Variants in B4GALT5 observed in about 807,000 individuals in gnomAD.
B4GALT5 encodes the protein beta-1,4-galactosyltransferase 5.
In B4GALT5, 11 loss-of-function variants were observed where a neutral mutation model predicts 45.0. The observed-to-expected ratio is 0.24, with a 90% CI of 0.15 to 0.40. The LOEUF (loss-of-function observed/expected upper bound fraction) is 0.40, where lower values mean the gene tolerates loss of function less well. Ranked by LOEUF, B4GALT5 falls within the 10% of genes least tolerant of loss-of-function variation. The probability of loss-of-function intolerance (pLI) is 1.00; values close to 1 mark genes in which losing one functional copy is unlikely to be tolerated. For synonymous variants in B4GALT5, 185 were observed against 182.9 expected (o/e 1.01, Z -0.09); for missense variants, 337 against 500.2 (o/e 0.67, Z 3.11).
chr20:49,681,216 T>TAAAAAAA (rs10628956), intron 1 of B4GALT5, among the ~76,000 whole-genome samples: 1 of 72,438 alleles, frequency 1.4e-5, no homozygotes, highest in East Asian at 3.8e-4. Context: ...ACCCCATCTC[T>TAAAAAAA]AAAAAAAAAA....
At chr20:49,703,523 A>C (rs1169321476) in intron 1 of B4GALT5, among the ~76,000 whole-genome samples, 2 of 152,160 alleles carry the variant, frequency 1.3e-5, no homozygotes, top group African/African-American at 2.4e-5. Context: ...TCTCATGACT[A>C]TATAGATTAT....
chr20:49,708,320 A>T (rs4809753), intron 1 of B4GALT5, among the ~76,000 whole-genome samples: 76,731 of 151,974 alleles, frequency 0.5, 19,689 homozygotes, highest in South Asian at 0.65. Flanking sequence ...AATTATCAAC[A>T]TTCTATATAT....
intron 1 of B4GALT5, among the ~76,000 whole-genome samples, chr20:49,683,640 A>G (rs1372222703): frequency 6.6e-6 from 1 of 150,866 alleles, no homozygotes; most frequent in East Asian, 2.0e-4. Context: ...TGATCTGCCA[A>G]CCTCAGATGA....
chr20:49,656,927 TC>T (rs2085645982), intron 1 of B4GALT5, among the ~76,000 whole-genome samples: 1 of 152,136 alleles, frequency 6.6e-6, no homozygotes. Context: ...ATCCAACAGT[TC>T]TAGAAAAAGC....
intron 1 of B4GALT5, among the ~76,000 whole-genome samples, chr20:49,658,529 T>C (rs1356558241): frequency 2.0e-5 from 3 of 152,210 alleles, no homozygotes; most frequent in African/African-American, 7.2e-5. Context: ...TTGAAAATCT[T>C]GTGTAAAGCT....
Position 49,672,343 on chromosome 20 carries a change from G to C in B4GALT5, c.116-15641C>G, listed in dbSNP as rs540122066. 2.6e-5 allele frequency among the ~76,000 whole-genome samples: 4 copies of C among 152,236 alleles called. No individual in the cohort carries two copies. In the South Asian group the frequency reaches 8.3e-4, roughly 32 times the overall value. On this transcript the variant is annotated intron_variant, in intron 1 of 8. Transcript: ENST00000371711. Reference sequence around the variant, plus strand: ...ATCAGAGCCATGCTTTCCATAAAAAGGCAAAAGATGCCAGAGAAAGCACTT... The same window carrying C: ...ATCAGAGCCATGCTTTCCATAAAAACGCAAAAGATGCCAGAGAAAGCACTT...
intron 5 of B4GALT5, among the ~76,000 whole-genome samples, chr20:49,641,794 C>A (rs898576659): frequency 1.3e-5 from 2 of 152,166 alleles, no homozygotes; most frequent in Non-Finnish European, 2.9e-5. Context: ...GGATATAGCA[C>A]CTCTAGTTCA....
chr20:49,695,480 C>T (rs996096097), intron 1 of B4GALT5, among the ~76,000 whole-genome samples: 10 of 151,584 alleles, frequency 6.6e-5, no homozygotes, highest in Admixed American at 2.0e-4. Flanking sequence ...GGCGCAATCT[C>T]GGCTCACTGT....
intron 1 of B4GALT5, among the ~76,000 whole-genome samples, chr20:49,678,479 C>A (rs1342695400): frequency 6.6e-6 from 1 of 152,158 alleles, no homozygotes; most frequent in Non-Finnish European, 1.5e-5. Flanking sequence ...AAGACAGGCA[C>A]CAGCCATGAG....
At chr20:49,650,430 C>T (rs2085616786) in intron 2 of B4GALT5, among the ~76,000 whole-genome samples, 1 of 148,038 alleles carries the variant, frequency 6.8e-6, no homozygotes, top group Non-Finnish European at 1.5e-5. Flanking sequence ...ATCAGCCTGG[C>T]CAATATGGTG....
intron 2 of B4GALT5, among the ~76,000 whole-genome samples, chr20:49,655,594 G>A (rs2085639291): frequency 6.6e-6 from 1 of 152,044 alleles, no homozygotes; most frequent in Non-Finnish European, 1.5e-5. Context: ...TTAATCATGT[G>A]GAAGTATTAC....
At chr20:49,687,174 C>A (rs1357693183) in intron 1 of B4GALT5, among the ~76,000 whole-genome samples, 1 of 152,166 alleles carries the variant, frequency 6.6e-6, no homozygotes, top group African/African-American at 2.4e-5. Flanking sequence ...AAACATCCTA[C>A]AAGGCACAGG....
intron 1 of B4GALT5, among the ~76,000 whole-genome samples, chr20:49,659,227 T>G (rs1005852578): frequency 7.2e-5 from 11 of 152,226 alleles, no homozygotes; most frequent in Admixed American, 5.9e-4. Context: ...CTTTCTTAAT[T>G]ACAGATTTAT....
At chr20:49,663,682 A>AAAG (rs1568722523) in intron 1 of B4GALT5, among the ~76,000 whole-genome samples, 1 of 76,470 alleles carries the variant, frequency 1.3e-5, no homozygotes, top group Non-Finnish European at 2.5e-5. Context: ...CAAGAAAAAA[A>AAAG]AAAAAAAAAT....
At chr20:49,639,359 GGT>G (rs34688851) in intron 7 of B4GALT5, among the ~76,000 whole-genome samples, 97 of 149,136 alleles carry the variant, frequency 6.5e-4, no homozygotes, top group Non-Finnish European at 8.2e-4. Context: ...GGATGTGTGT[GGT>G]GTGTGTGTGT....
intron 1 of B4GALT5, among the ~76,000 whole-genome samples, chr20:49,660,910 T>C (rs777035461): frequency 2.6e-5 from 4 of 152,178 alleles, no homozygotes; most frequent in African/African-American, 7.2e-5. Flanking sequence ...CAGTGAACCA[T>C]GATCGTGCCA....
intron 1 of B4GALT5, among the ~76,000 whole-genome samples, chr20:49,682,516 T>G (rs1001708713): frequency 7.2e-5 from 11 of 152,200 alleles, no homozygotes; most frequent in African/African-American, 2.7e-4. Flanking sequence ...CACAGGCCAC[T>G]GACCCAACCA....
rs150832104 is a variant in B4GALT5, at chr20:49,643,006, T to A, written c.490-422A>T. ...ACTGATGTGTTCCAGATCTGCTGCA[T>A]CAGCAGCACTTAACGAGGCTGGCAC... On this transcript the variant is annotated intron_variant, in intron 4 of 8. Coordinates refer to ENST00000371711, the MANE Select transcript of B4GALT5 (RefSeq NM_004776.4). 1.3e-3 allele frequency among the ~76,000 whole-genome samples: 205 copies of A among 152,386 alleles called. 2 individuals carry two copies. The highest frequency in any genetic ancestry group is 4.8e-3 in the African/African-American group (198 of 41,596).
chr20:49,696,265 T>C (rs945931579), intron 1 of B4GALT5, among the ~76,000 whole-genome samples: 1 of 152,200 alleles, frequency 6.6e-6, no homozygotes, highest in African/African-American at 2.4e-5. Context: ...TGAGAAGAGC[T>C]TTATTCTACT....
Sources: allele counts gnomAD v4.1 joint callset (sites outside exome capture counted in the v4.1 genomes callset), GRCh38; gene constraint gnomAD v4.1.1; transcripts MANE v1.5; gene names NCBI Gene and HGNC (gene_info 2026-07-23, HGNC 2026-07-21).